The following KCNMA1 variants were observed in gnomAD, a reference collection of about 807,000 sequenced individuals.
KCNMA1 encodes the protein Calcium-activated potassium channel subunit alpha-1.
KCNMA1 carries 29 observed loss-of-function variants against 140.0 expected under a neutral mutation model. The observed-to-expected ratio is 0.21, with a 90% confidence interval of 0.15 to 0.28. The LOEUF (loss-of-function observed/expected upper bound fraction) is 0.28. Ranked by LOEUF, KCNMA1 falls within the 10% of genes least tolerant of loss-of-function variation. The pLI is 1.00. For missense variants in KCNMA1, 880 were observed against 1,602.2 expected (o/e 0.55, Z 7.70); for synonymous variants, 612 against 611.9 (o/e 1.00, Z 0.00).
intron 1 of KCNMA1, chr10:77,586,237 A>T (rs1422042440): frequency 6.6e-6 from 1 of 152,194 alleles, no homozygotes; most frequent in Non-Finnish European, 1.5e-5. Flanking sequence ...ACAGGATCAC[A>T]TGGTCACTCT....
At chr10:77,546,694 C>T (rs1043136523) in intron 1 of KCNMA1, among the ~76,000 whole-genome samples, 64 of 152,244 alleles carry the variant, frequency 4.2e-4, no homozygotes, top group African/African-American at 1.1e-3. Flanking sequence ...CTGCTCACTC[C>T]GTGGTAGCAT....
At chr10:77,580,086 T>C (rs1336017582) in intron 1 of KCNMA1, among the ~76,000 whole-genome samples, 1 of 152,016 alleles carries the variant, frequency 6.6e-6, no homozygotes, top group East Asian at 1.9e-4. Context: ...ATAGTATATA[T>C]ATAAGAAATG....
chr10:77,092,783 A>G (rs1159606949), intron 9 of KCNMA1, among the ~76,000 whole-genome samples: 4 of 152,228 alleles, frequency 2.6e-5, no homozygotes, highest in African/African-American at 9.6e-5. Flanking sequence ...ATGCCTGAAC[A>G]TTCGTTCTTC....
At chr10:77,154,408 C>T (rs1205469272) in intron 5 of KCNMA1, among the ~76,000 whole-genome samples, 2 of 152,180 alleles carry the variant, frequency 1.3e-5, no homozygotes, top group African/African-American at 4.8e-5. Context: ...AACTAATGCT[C>T]AATGAATGTC....
At chr10:77,403,343 T>C (rs1052782986) in intron 2 of KCNMA1, among the ~76,000 whole-genome samples, 6 of 152,044 alleles carry the variant, frequency 3.9e-5, no homozygotes, top group Non-Finnish European at 8.8e-5. Flanking sequence ...GCATCCACCA[T>C]CAGCATGACT....
intron 2 of KCNMA1, among the ~76,000 whole-genome samples, chr10:77,372,665 C>A (rs536437963): frequency 1.3e-5 from 2 of 152,270 alleles, no homozygotes; most frequent in Admixed American, 1.3e-4. Context: ...TTCTTCCATG[C>A]GCTTGCCTGG....
intron 9 of KCNMA1, among the ~76,000 whole-genome samples, chr10:77,093,874 C>T (rs985991906): frequency 6.6e-6 from 1 of 152,180 alleles, no homozygotes; most frequent in African/African-American, 2.4e-5. Context: ...TTCCATGATG[C>T]CTACATATCT....
At chr10:77,551,669 C>T (rs1157161499) in intron 1 of KCNMA1, among the ~76,000 whole-genome samples, 1 of 152,146 alleles carries the variant, frequency 6.6e-6, no homozygotes, top group East Asian at 1.9e-4. Flanking sequence ...AATGATGCTT[C>T]AAAATTCTAG....
intron 1 of KCNMA1, among the ~76,000 whole-genome samples, chr10:77,610,177 C>G (rs1398929942): frequency 1.3e-5 from 2 of 152,214 alleles, no homozygotes; most frequent in Non-Finnish European, 1.5e-5. Flanking sequence ...TGGCTACCCA[C>G]CAAAGCAGCC....
intron 1 of KCNMA1, among the ~76,000 whole-genome samples, chr10:77,419,368 A>G (rs1048223776): frequency 6.6e-6 from 1 of 152,114 alleles, no homozygotes; most frequent in African/African-American, 2.4e-5. Flanking sequence ...AGGGATGGAG[A>G]CCTTTTTTGG....
intron 4 of KCNMA1, 69 bp downstream of exon 4, chr10:77,184,754 G>T: frequency 5.2e-6 from 5 of 961,512 alleles, no homozygotes; most frequent in Non-Finnish European, 8.5e-6. Flanking sequence ...CAGAGGCTGA[G>T]GGGGATGATC....
chr10:76,999,098 A>G (rs1317477864), intron 19 of KCNMA1, among the ~76,000 whole-genome samples: 3 of 152,252 alleles, frequency 2.0e-5, no homozygotes, highest in Non-Finnish European at 4.4e-5. Flanking sequence ...GAGGGACAAC[A>G]TGCCACTCAC....
chr10:77,382,891 T>A (rs68027165), intron 2 of KCNMA1, among the ~76,000 whole-genome samples: 7,636 of 69,468 alleles, frequency 0.11, 687 homozygotes, highest in East Asian at 0.23. Flanking sequence ...AAAAAATATA[T>A]ATATATATAT....
intron 19 of KCNMA1, chr10:76,980,662 C>T (rs999398646): frequency 3.3e-5 from 5 of 152,154 alleles, no homozygotes; most frequent in African/African-American, 1.2e-4. Flanking sequence ...TGCCATTCTC[C>T]TGGGGCAGGA....
intron 2 of KCNMA1, among the ~76,000 whole-genome samples, chr10:77,319,978 C>T (rs556694277): frequency 1.2e-4 from 19 of 152,214 alleles, no homozygotes; most frequent in Non-Finnish European, 2.1e-4. Context: ...CTGCCCTCTT[C>T]GAAGCAGAAC....
At chr10:77,572,607 T>TATATATATATATATCTA (rs1473574332) in intron 1 of KCNMA1, among the ~76,000 whole-genome samples, 1 of 103,686 alleles carries the variant, frequency 9.6e-6, no homozygotes, top group Non-Finnish European at 1.9e-5. Context: ...TATATATAAA[T>TATATATATATATATCTA]TAGCTGGGCA....
At chr10:77,595,289 G>A (rs1215508445) in intron 1 of KCNMA1, among the ~76,000 whole-genome samples, 1 of 134,994 alleles carries the variant, frequency 7.4e-6, no homozygotes, top group Admixed American at 8.6e-5. Context: ...GGAGGTTGCA[G>A]TGAGCCAAGA....
chr10:77,174,828 G>C (rs903094158), intron 5 of KCNMA1, among the ~76,000 whole-genome samples: 1 of 152,154 alleles, frequency 6.6e-6, no homozygotes, highest in African/African-American at 2.4e-5. Context: ...TAGAAAGTTA[G>C]GAGATGCATA....
At chr10:77,532,234 A>G (rs1027020213) in intron 1 of KCNMA1, among the ~76,000 whole-genome samples, 3 of 152,312 alleles carry the variant, frequency 2.0e-5, no homozygotes, top group African/African-American at 7.2e-5. Flanking sequence ...GTGTCACGCA[A>G]TATGCCAACT....
Sources: allele counts gnomAD v4.1 joint callset (sites outside exome capture counted in the v4.1 genomes callset), GRCh38; gene constraint gnomAD v4.1.1; transcripts MANE v1.5; gene names NCBI Gene and HGNC (gene_info 2026-07-23, HGNC 2026-07-21).